Variants in SORBS2 observed in about 807,000 individuals in gnomAD.
The protein encoded by SORBS2 is sorbin and SH3 domain-containing protein 2.
SORBS2 carries 46 observed loss-of-function variants against 97.7 expected under a neutral mutation model. The ratio of observed to expected loss-of-function variants is 0.47; its 90% confidence interval spans 0.37 to 0.60. The LOEUF (loss-of-function observed/expected upper bound fraction) is 0.60, where lower values mean the gene tolerates loss of function less well. Among genes scored for constraint, SORBS2 ranks in the 20% least tolerant of loss-of-function variants. The pLI is 0.00. For missense variants in SORBS2, 1,316 were observed against 1,282.3 expected, an observed-to-expected ratio of 1.03 and a Z score of -0.40; for synonymous variants, 476 against 473.4, an observed-to-expected ratio of 1.01 and a Z score of -0.07.
chr4:185,708,323 A>G (rs2098377082), intron 2 of SORBS2, among the ~76,000 whole-genome samples: 1 of 152,236 alleles, frequency 6.6e-6, no homozygotes, highest in Non-Finnish European at 1.5e-5. Flanking sequence ...TCAAGAAACT[A>G]TATTGTCACA....
At position 185,684,671 on chromosome 4, in the gene SORBS2, T is replaced by C; in HGVS notation, c.-197-5849A>G. On this transcript the variant is annotated intron_variant, in intron 2 of 20. Transcript: ENST00000284776. The surrounding 1 kb of genome is among the most constrained non-coding windows in gnomAD (Gnocchi z 4.2). Reference sequence around the variant, plus strand: ...TTTCCTACAAGATCTCATTTTCCTTTGCTTTTTACGTTTAGAACAAAAACA... The same window carrying C: ...TTTCCTACAAGATCTCATTTTCCTTCGCTTTTTACGTTTAGAACAAAAACA... 9.9e-7 allele frequency: 1 copy of C among 1,011,582 alleles called. No individual in the cohort carries two copies. Among genetic ancestry groups the C allele is most frequent in the Non-Finnish European group, 1.5e-6 (1 of 680,976 alleles). The allele number at this position is 1,011,582 out of a possible 1,614,324, so 62.7% of individuals were successfully genotyped here.
chr4:185,651,938 T>C, intron 2 of SORBS2, 110 bp from the exon 11 acceptor site: 1 of 688,902 alleles, frequency 1.5e-6, no homozygotes, highest in Non-Finnish European at 2.6e-6. Flanking sequence ...CAACGTATTT[T>C]TCCTAGTTCA....
At chr4:185,590,782 G>A (rs1361207834) in intron 13 of SORBS2, among the ~76,000 whole-genome samples, 2 of 152,122 alleles carry the variant, frequency 1.3e-5, no homozygotes, top group East Asian at 3.9e-4. Flanking sequence ...AATTACTGTA[G>A]CTGAGAAGGT....
chr4:185,597,159 A>G (rs2096123208), intron 12 of SORBS2, among the ~76,000 whole-genome samples: 2 of 152,216 alleles, frequency 1.3e-5, no homozygotes, highest in Non-Finnish European at 2.9e-5. Context: ...GAGTAGCAAG[A>G]ACAGTTATCT....
At chr4:185,639,093 G>T in intron 4 of SORBS2, 58 bp from the exon 14 acceptor site, 4 of 1,424,216 alleles carry the variant, frequency 2.8e-6, no homozygotes, top group Non-Finnish European at 2.8e-6. Flanking sequence ...GGGCGGAACC[G>T]CGAGGACACC....
At chr4:185,602,106 G>C (rs1379470833) in intron 12 of SORBS2, among the ~76,000 whole-genome samples, 7 of 151,612 alleles carry the variant, frequency 4.6e-5, no homozygotes, top group Non-Finnish European at 1.0e-4. Context: ...TGCCTCCCGG[G>C]TTCAAGCAAT....
chr4:185,872,097 C>T (rs368459494), intron 1 of SORBS2, among the ~76,000 whole-genome samples: 1 of 152,154 alleles, frequency 6.6e-6, no homozygotes, highest in African/African-American at 2.4e-5. Context: ...TTGAAAAATA[C>T]ATCAATTTGT....
intron 2 of SORBS2, among the ~76,000 whole-genome samples, chr4:185,679,755 C>T (rs1490153419): frequency 6.6e-6 from 1 of 152,172 alleles, no homozygotes; most frequent in Non-Finnish European, 1.5e-5. Flanking sequence ...TTATTAGATT[C>T]CCATTTCAAT....
chr4:185,840,961 CAA>C (rs2099211139), intron 1 of SORBS2, among the ~76,000 whole-genome samples: 1 of 152,064 alleles, frequency 6.6e-6, no homozygotes, highest in African/African-American at 2.4e-5. Flanking sequence ...GGGCGTAAAG[CAA>C]AGTGTCCTGG....
chr4:185,611,871 T>C, exon 12 of SORBS2: 1 of 1,614,096 alleles, frequency 6.2e-7, no homozygotes, highest in Non-Finnish European at 8.5e-7. Flanking sequence ...TGTGTTCTTC[T>C]TGACGACCTC....
At position 185,746,907 on chromosome 4, in the gene SORBS2, C is replaced by T. The variant is rs575128459; in HGVS notation, c.-198+28320G>A. On this transcript the variant is annotated intron_variant, in intron 2 of 20. Transcript: ENST00000284776. ...TGGCCCCCTAGGACCTCAGAATGTG[C>T]CTGTGCCCTGTATTTGAAGACAGGG... Among the ~76,000 whole-genome samples the T allele has an allele frequency of 4.6e-5, 7 of 152,266 alleles. No homozygotes were observed. In the East Asian group the frequency reaches 1.2e-3, roughly 25 times the overall value.
At chr4:185,810,391 G>A (rs951188400) in intron 1 of SORBS2, among the ~76,000 whole-genome samples, 6 of 152,188 alleles carry the variant, frequency 3.9e-5, no homozygotes, top group Admixed American at 2.6e-4. Context: ...AGAGACTCAT[G>A]TCATCCAGAT....
chr4:185,728,010 A>AT (rs1259414697), intron 2 of SORBS2, among the ~76,000 whole-genome samples: 26 of 152,202 alleles, frequency 1.7e-4, no homozygotes, highest in Admixed American at 1.4e-3. Flanking sequence ...CTTATAATTG[A>AT]TTTTTTTCAG....
At position 185,889,328 on chromosome 4, in the gene SORBS2, C is replaced by G. The variant is rs567215381; in HGVS notation, c.-338+66868G>C. Among the ~76,000 whole-genome samples the G allele has an allele frequency of 2.8e-4, 42 of 152,088 alleles. 1 individual carries two copies. Among genetic ancestry groups the G allele is most frequent in the Non-Finnish European group, 2.2e-4 (15 of 68,026 alleles). On this transcript the variant is annotated intron_variant, in intron 1 of 20. Transcript: ENST00000284776. ...AAGAAAATGCAATTGCTCCCTTTCT[C>G]TCCCACCCTACTTGATTTTTTCCAC...
At chr4:185,900,036 G>A (rs1007622604) in intron 1 of SORBS2, among the ~76,000 whole-genome samples, 25 of 152,146 alleles carry the variant, frequency 1.6e-4, no homozygotes, top group African/African-American at 6.0e-4. Context: ...GAAGATCTCT[G>A]AGCCCAGGAG....
chr4:185,838,241 A>G (rs1336835235), intron 1 of SORBS2, among the ~76,000 whole-genome samples: 2 of 152,212 alleles, frequency 1.3e-5, no homozygotes, highest in Non-Finnish European at 2.9e-5. Context: ...TCCCGGCTGC[A>G]GTGGGCCTAG....
At chr4:185,784,373 G>A (rs531183938) in intron 1 of SORBS2, among the ~76,000 whole-genome samples, 27 of 152,038 alleles carry the variant, frequency 1.8e-4, no homozygotes, top group Non-Finnish European at 2.9e-4. Context: ...CTCGTGATCC[G>A]CCCACCTCGG....
intron 1 of SORBS2, among the ~76,000 whole-genome samples, chr4:185,930,283 G>GTT (rs915883875): frequency 2.0e-4 from 30 of 151,536 alleles, no homozygotes; most frequent in African/African-American, 7.0e-4. Context: ...TAGGATAGAG[G>GTT]TTTTTTTGTT....
chr4:185,766,927 T>A (rs2098937158), intron 2 of SORBS2, among the ~76,000 whole-genome samples: 1 of 152,194 alleles, frequency 6.6e-6, no homozygotes, highest in African/African-American at 2.4e-5. Context: ...AAGAGAATAA[T>A]GTTTCTATTC....
Sources: allele counts gnomAD v4.1 joint callset (sites outside exome capture counted in the v4.1 genomes callset), GRCh38; gene constraint gnomAD v4.1.1; non-coding constraint Gnocchi (gnomAD v3.1); transcripts MANE v1.5; gene names NCBI Gene and HGNC (gene_info 2026-07-23, HGNC 2026-07-21).